PPHLN1: variants seen among roughly 807,000 people sequenced by gnomAD.
PPHLN1 encodes the protein periphilin-1.
In PPHLN1, 29 loss-of-function variants were observed where a neutral mutation model predicts 51.3. The observed-to-expected ratio is 0.57, with a 90% CI of 0.42 to 0.77. The LOEUF is 0.77. Among genes scored for constraint, PPHLN1 ranks in the 30% least tolerant of loss-of-function variants. The pLI is 0.00. For missense variants in PPHLN1, 436 were observed against 438.4 expected, an observed-to-expected ratio of 0.99 and a Z score of 0.05; for synonymous variants, 147 against 147.8, an observed-to-expected ratio of 0.99 and a Z score of 0.04.
intron 7 of PPHLN1, among the ~76,000 whole-genome samples, chr12:42,390,191 C>T (rs1162777968): frequency 6.6e-6 from 1 of 152,098 alleles, no homozygotes; most frequent in Non-Finnish European, 1.5e-5. Flanking sequence ...GCTTCCCTGC[C>T]TCAGGAGGAA....
chr12:42,372,789 A>G (rs1429463049), intron 4 of PPHLN1, among the ~76,000 whole-genome samples: 2 of 152,350 alleles, frequency 1.3e-5, no homozygotes, highest in East Asian at 3.9e-4. Context: ...TTACACAAAC[A>G]TCTTAAATAT....
At chr12:42,343,437 A>G (rs1224408553) in intron 2 of PPHLN1, among the ~76,000 whole-genome samples, 1 of 152,206 alleles carries the variant, frequency 6.6e-6, no homozygotes, top group Non-Finnish European at 1.5e-5. Flanking sequence ...AGACTCAACT[A>G]TTAACATTTT....
At chr12:42,409,825 T>A (rs983322007) in intron 9 of PPHLN1, among the ~76,000 whole-genome samples, 1 of 152,136 alleles carries the variant, frequency 6.6e-6, no homozygotes, top group Non-Finnish European at 1.5e-5. Context: ...TGTGTCTGTT[T>A]TCATTAGTTT....
At chr12:42,389,893 T>C (rs1056842656) in intron 7 of PPHLN1, among the ~76,000 whole-genome samples, 8 of 152,176 alleles carry the variant, frequency 5.3e-5, no homozygotes, top group Non-Finnish European at 8.8e-5. Context: ...AGTTATTAAT[T>C]TCTTAAGGAC....
chr12:42,340,124 A>G (rs2071246727), intron 2 of PPHLN1, among the ~76,000 whole-genome samples: 2 of 151,828 alleles, frequency 1.3e-5, no homozygotes, highest in Non-Finnish European at 2.9e-5. Flanking sequence ...CTGGGCAACA[A>G]TGTGAGACCC....
chr12:42,432,265 A>G, intron 9 of PPHLN1: 1 of 767,406 alleles, frequency 1.3e-6, no homozygotes, highest in South Asian at 1.4e-5. Flanking sequence ...TAGGGCCCTG[A>G]CAACCTCTGC....
intron 5 of PPHLN1, among the ~76,000 whole-genome samples, chr12:42,379,864 T>G (rs932612476): frequency 6.6e-6 from 1 of 152,034 alleles, no homozygotes; most frequent in Non-Finnish European, 1.5e-5. Flanking sequence ...GCTGGATGTG[T>G]TTTGTATCAG....
intron 9 of PPHLN1, among the ~76,000 whole-genome samples, chr12:42,429,724 G>A (rs914993487): frequency 6.6e-6 from 1 of 152,154 alleles, no homozygotes; most frequent in African/African-American, 2.4e-5. Flanking sequence ...CTGTGTGGCA[G>A]GCACATTTAT....
intron 7 of PPHLN1, among the ~76,000 whole-genome samples, chr12:42,391,696 A>T (rs1295138989): frequency 6.6e-6 from 1 of 152,044 alleles, no homozygotes; most frequent in African/African-American, 2.4e-5. Flanking sequence ...ACTAGCTTTT[A>T]AAAAAACCTT....
At chr12:42,390,839 A>C (rs910358901) in intron 7 of PPHLN1, among the ~76,000 whole-genome samples, 1 of 65,184 alleles carries the variant, frequency 1.5e-5, no homozygotes, top group Non-Finnish European at 3.0e-5. Context: ...TTTTTTTTGT[A>C]TATAAAAATA....
In PPHLN1 at chr12:42,392,399, A is replaced by G. The variant is rs12228700; in HGVS notation, c.649-1171A>G. 5.9e-5 allele frequency among the ~76,000 whole-genome samples: 9 copies of G among 152,358 alleles called. No individual in the cohort carries two copies. In the East Asian group the frequency reaches 1.3e-3, roughly 23 times the overall value. On this transcript the variant is annotated intron_variant, in intron 7 of 9. Coordinates refer to ENST00000358314, the MANE Select transcript of PPHLN1 (RefSeq NM_201439.2). ...TTTGGTTCATAGATAAAAGCACTTT[A>G]TAAATGGTAGTGCCCCATAAGTTCA... is the stretch of plus-strand genomic sequence containing the variant.
At chr12:42,329,401 G>A (rs529789062) in intron 1 of PPHLN1, among the ~76,000 whole-genome samples, 21 of 152,106 alleles carry the variant, frequency 1.4e-4, no homozygotes, top group East Asian at 3.9e-4. Flanking sequence ...CACCGCGCCC[G>A]GCCTGGAATT....
chr12:42,385,236 C>A (rs755584157), intron 6 of PPHLN1, among the ~76,000 whole-genome samples: 2 of 152,140 alleles, frequency 1.3e-5, no homozygotes, highest in East Asian at 3.9e-4. Context: ...ATAGACAGGC[C>A]ATTGGAAGAT....
At chr12:42,404,974 C>G (rs1196502358) in intron 9 of PPHLN1, among the ~76,000 whole-genome samples, 1 of 152,190 alleles carries the variant, frequency 6.6e-6, no homozygotes, top group Non-Finnish European at 1.5e-5. Context: ...TTGCAGTGAG[C>G]CAAGATCATG....
At chr12:42,409,919 ATC>A (rs1029625872) in intron 9 of PPHLN1, among the ~76,000 whole-genome samples, 3 of 152,096 alleles carry the variant, frequency 2.0e-5, no homozygotes, top group African/African-American at 7.2e-5. Flanking sequence ...TTTATATTAT[ATC>A]TCTGACAGCT....
At chr12:42,345,636 A>G (rs1019300346) in intron 2 of PPHLN1, among the ~76,000 whole-genome samples, 2 of 150,760 alleles carry the variant, frequency 1.3e-5, no homozygotes, top group Non-Finnish European at 3.0e-5. Context: ...TATTTATATT[A>G]GTATGTAGAT....
Position 42,384,030 on chromosome 12 carries a change from G to A in PPHLN1, c.512-910G>A, listed in dbSNP as rs1326196683. 2.3e-5 allele frequency among the ~76,000 whole-genome samples: 3 copies of A among 132,126 alleles called. No individual in the cohort carries two copies. The East Asian group carries it at 7.5e-4, about 33-fold the overall frequency. 86.7% of individuals were successfully genotyped at this position (132,126 alleles called of 152,430 possible). On this transcript the variant is annotated intron_variant, in intron 5 of 9. Transcript: ENST00000358314. ...AAAAAAAGCAAGAATCAAGAATAGTGTTGACAGTGTACCTCACATAAAAAC... is the reference window on the plus strand; with the variant it reads ...AAAAAAAGCAAGAATCAAGAATAGTATTGACAGTGTACCTCACATAAAAAC...
At chr12:42,366,726 GGAGGCT>G (rs1347434099) in intron 4 of PPHLN1, among the ~76,000 whole-genome samples, 2 of 152,086 alleles carry the variant, frequency 1.3e-5, no homozygotes, top group Admixed American at 6.5e-5. Context: ...GAACTTTCCT[GGAGGCT>G]GAGTGAATAT....
intron 9 of PPHLN1, among the ~76,000 whole-genome samples, chr12:42,410,136 T>C (rs2079673466): frequency 6.6e-6 from 1 of 152,080 alleles, no homozygotes; most frequent in Non-Finnish European, 1.5e-5. Context: ...CTTAGGATTC[T>C]GTCAGTAGAG....
Sources: gnomAD v4.1 joint callset for allele counts (sites outside exome capture counted in the v4.1 genomes callset) on GRCh38, gnomAD v4.1.1 for gene constraint, MANE v1.5 for transcripts, NCBI Gene and HGNC (gene_info 2026-07-23, HGNC 2026-07-21) for gene names.